HINFP: variants seen among roughly 807,000 people sequenced by gnomAD.
HINFP encodes the protein histone H4 transcription factor, also known as MBD2 (methyl-CpG-binding protein)-interacting zinc finger protein.
A neutral mutation model predicts 50.1 loss-of-function variants in HINFP; 20 were observed. The observed-to-expected ratio is 0.40, with a 90% CI of 0.28 to 0.58. The LOEUF is 0.58. Ranked by LOEUF, HINFP falls within the 20% of genes least tolerant of loss-of-function variation. The pLI is 0.45. For synonymous variants in HINFP, 247 were observed against 243.7 expected (o/e 1.01, Z -0.13); for missense variants, 505 against 664.1 (o/e 0.76, Z 2.63).
chr11:119,131,395 C>T lies in HINFP; in HGVS notation c.412-140C>T. The T allele has an allele frequency of 5.9e-6, 4 of 681,578 alleles. No homozygotes were observed. The highest frequency in any genetic ancestry group is 1.1e-5 in the Non-Finnish European group (4 of 374,424). The allele number at this position is 681,578 out of a possible 1,614,324, so 42.2% of individuals were successfully genotyped here. A position where few individuals can be genotyped will look rare whatever the true frequency, so the allele number is the denominator to read the frequency against. On this transcript the variant is annotated intron_variant, in intron 3 of 9. Transcript: ENST00000350777. This position sits in a 1 kb window ranked among gnomAD's most constrained non-coding sequence, Gnocchi z 4.2. ...TTAGCAACCGCACCCGGCCACTCCT[C>T]CATTTCTGTGCAGTGCCTTTCCTCA...
Position 119,134,449 on chromosome 11 carries a change from T to C in HINFP, c.1505T>C (p.Met502Thr), listed in dbSNP as rs1466870355. ...PAPEPPSGGI[M>T]EKLQGIAEEP... The stretch of plus-strand genomic sequence containing the variant: ...CCTGAGCCACCTTCAGGGGGCATCA[T>C]GGAAAAGCTTCAAGGAATAGCTGAG... The change falls in exon 10 of 10, where the codon ATG (methionine) becomes ACG (threonine). Residue 502 changes from methionine (M) to threonine (T), a missense_variant. Coordinates refer to ENST00000350777, the MANE Select transcript of HINFP (RefSeq NM_198971.3). The surrounding 1 kb of genome is among the most constrained non-coding windows in gnomAD (Gnocchi z 4.3). 2 of 1,612,978 alleles carry C rather than the reference T, an allele frequency of 1.2e-6. No homozygotes were observed. Among genetic ancestry groups the C allele is most frequent in the South Asian group, 2.2e-5 (2 of 91,048 alleles).
chr11:119,132,041 G>T, intron 5 of HINFP, 59 bp downstream of exon 5: 1 of 1,591,840 alleles, frequency 6.3e-7, no homozygotes, highest in Non-Finnish European at 8.6e-7. Flanking sequence ...TGGGTTAGGG[G>T]CATGTTTCTA....
rs1476775383 is a variant in HINFP at position 119,131,687 on chromosome 11, T to TA, written c.523+41_523+42insA. On this transcript the variant is annotated intron_variant, in intron 4 of 9. Coordinates refer to ENST00000350777, the MANE Select transcript of HINFP (RefSeq NM_198971.3). This position sits in a 1 kb window ranked among gnomAD's most constrained non-coding sequence, Gnocchi z 4.2. ...AACTTGTGGCTTCTGGAGGAAACGCTGGGGTTCCTGAAGAGCTGGGACAGA... is the reference window on the plus strand; with the variant it reads ...AACTTGTGGCTTCTGGAGGAAACGCTAGGGGTTCCTGAAGAGCTGGGACAGA... The TA allele has an allele frequency of 6.3e-7, 1 of 1,589,622 alleles. No homozygotes were observed. Among genetic ancestry groups the TA allele is most frequent in the African/African-American group, 1.3e-5 (1 of 74,388 alleles).
intron 1 of HINFP, chr11:119,126,533 GGTC>G (rs147482604): frequency 0.012 from 1,862 of 159,044 alleles, 38 homozygotes; most frequent in African/African-American, 0.043. Context: ...TCTTGACAAA[GGTC>G]ATACAGCTAG....
Position 119,130,712 on chromosome 11 carries a change from C to T in HINFP, c.182-13C>T. ...AAAGTGTCAGACTCTTCCTTTTAAA[C>T]CCCTTTCTACAGAGGAAGAATTCTC... On this transcript the variant is annotated splice_polypyrimidine_tract_variant and intron_variant, in intron 2 of 9. Transcript: ENST00000350777. The T allele has an allele frequency of 1.9e-6, 3 of 1,611,116 alleles. No homozygotes were observed. Among genetic ancestry groups the T allele is most frequent in the Non-Finnish European group, 2.5e-6 (3 of 1,177,272 alleles).
intron 2 of HINFP, chr11:119,127,380 T>C: frequency 3.1e-6 from 1 of 320,708 alleles, no homozygotes; most frequent in Non-Finnish European, 5.7e-6. Context: ...TTGACATCTC[T>C]CTGCCTGTGT....
chr11:119,133,868 G>A, intron 9 of HINFP: 1 of 617,850 alleles, frequency 1.6e-6, no homozygotes, highest in Non-Finnish European at 2.8e-6. Flanking sequence ...TTTTCTGGTT[G>A]GGTTTCTATA....
intron 2 of HINFP, among the ~76,000 whole-genome samples, chr11:119,128,136 G>A (rs574137350): frequency 6.6e-6 from 1 of 152,240 alleles, no homozygotes; most frequent in East Asian, 1.9e-4. Flanking sequence ...ACAGGCGTGA[G>A]CCACCGCACC....
At chr11:119,133,946 C>A in intron 9 of HINFP, 138 bp from the exon 10 acceptor site, 2 of 1,156,176 alleles carry the variant, frequency 1.7e-6, no homozygotes, top group African/African-American at 1.5e-5. Context: ...CAATAAAGAC[C>A]TTTTTTGTCT....
intron 2 of HINFP, among the ~76,000 whole-genome samples, chr11:119,127,882 A>G (rs1947505793): frequency 7.0e-6 from 1 of 142,478 alleles, no homozygotes. Context: ...TTTGAGACGG[A>G]GTCTTGCTCT....
At chr11:119,128,123 A>T (rs1947523054) in intron 2 of HINFP, among the ~76,000 whole-genome samples, 1 of 152,100 alleles carries the variant, frequency 6.6e-6, no homozygotes, top group African/African-American at 2.4e-5. Flanking sequence ...AAGTGCTGGG[A>T]TTACAGGCGT....
intron 2 of HINFP, among the ~76,000 whole-genome samples, chr11:119,129,655 G>A (rs1450610628): frequency 4.7e-5 from 7 of 150,518 alleles, no homozygotes; most frequent in African/African-American, 1.7e-4. Context: ...TAGTAGAGAC[G>A]GGGTTTGACT....
At position 119,135,590 on chromosome 11, in the gene HINFP, C is replaced by T. The variant is rs641382; in HGVS notation, c.*1092C>T. On this transcript the variant is annotated 3_prime_UTR_variant, in exon 10 of 10. Transcript: ENST00000350777. The stretch of plus-strand genomic sequence containing the variant: ...CCTCCCAAAATAAGAATCATCATTT[C>T]GTCTGGTTCAGCTGCTTCTCAGCAC... The T allele has an allele frequency of 2.0e-5, 3 of 152,088 alleles. No individual in the cohort carries two copies. The highest frequency in any genetic ancestry group is 2.9e-5 in the Non-Finnish European group (2 of 67,994). The allele number at this position is 152,088 out of a possible 1,614,324, so 9.4% of individuals were successfully genotyped here.
chr11:119,133,140 T>C lies in HINFP; in HGVS notation c.1060T>C (p.Phe354Leu). 1.2e-6 allele frequency: 2 copies of C among 1,614,226 alleles called. No homozygotes were observed. Among genetic ancestry groups the C allele is most frequent in the South Asian group, 1.1e-5 (1 of 91,088 alleles). ...CAAATGTCATGTGTGTGACAAATGCTTCACACGGGGCAACAACCTCACCGT... is the reference window on the plus strand; with the variant it reads ...CAAATGTCATGTGTGTGACAAATGCCTCACACGGGGCAACAACCTCACCGT... ...RYKCHVCDKC[F>L]TRGNNLTVHL... Residue 354 changes from phenylalanine (F) to leucine (L), a missense_variant, in exon 9 of 10, where the codon TTC becomes CTC. By Grantham distance (22) the Phe-to-Leu change is conservative. Coordinates refer to ENST00000350777, the MANE Select transcript of HINFP (RefSeq NM_198971.3).
At chr11:119,124,509 G>C (rs1352060032) in intron 1 of HINFP, 1 of 152,106 alleles carries the variant, frequency 6.6e-6, no homozygotes, top group Non-Finnish European at 1.5e-5. Flanking sequence ...GTCACCCTCT[G>C]TTCTGTGTTT....
rs369592186 is a variant in HINFP at position 119,126,981 on chromosome 11, C to G, written c.37C>G (p.Leu13Val). Reference sequence around the variant, plus strand: ...TGGGAAAGTTCCCCGAAAGGAGAATCTGTGGCTACAGTGTGAGTGGGGGTC... The same window carrying G: ...TGGGAAAGTTCCCCGAAAGGAGAATGTGTGGCTACAGTGTGAGTGGGGGTC... ...PPGKVPRKEN[L>V]WLQCEWGSCS... Residue 13 changes from leucine (L) to valine (V), a missense_variant, in exon 2 of 10, where the codon CTG (leucine) becomes GTG (valine). Physicochemically the swap from Leu to Val is conservative, Grantham distance 32 (BLOSUM62 1). Coordinates refer to ENST00000350777, the MANE Select transcript of HINFP (RefSeq NM_198971.3). The G allele has an allele frequency of 5.9e-5, 95 of 1,613,704 alleles. No homozygotes were observed. Among genetic ancestry groups the G allele is most frequent in the Non-Finnish European group, 8.0e-5 (94 of 1,179,914 alleles).
At chr11:119,133,706 T>C in intron 9 of HINFP, 1 of 298,212 alleles carries the variant, frequency 3.4e-6, no homozygotes, top group Non-Finnish European at 6.2e-6. Flanking sequence ...TTTTGAATCT[T>C]GTAAGGCATG....
Position 119,131,945 on chromosome 11 carries a change from G to T in HINFP, c.639G>T (p.Lys213Asn), listed in dbSNP as rs756131090. ...GGGGCATGTTTGCCAACAATACCAA[G>T]TTCTTAGATCACATCCGTCGCCAGA... ...TCGGMFANNT[K>N]FLDHIRRQTS... The change falls in exon 5 of 10, where the codon AAG (lysine) becomes AAT (asparagine). Residue 213 changes from lysine to asparagine, a missense_variant. Coordinates refer to ENST00000350777, the MANE Select transcript of HINFP (RefSeq NM_198971.3). The surrounding 1 kb of genome is among the most constrained non-coding windows in gnomAD (Gnocchi z 4.2). 6.2e-7 allele frequency: 1 copy of T among 1,614,110 alleles called. No homozygotes were observed. Among genetic ancestry groups the T allele is most frequent in the South Asian group, 1.1e-5 (1 of 91,078 alleles).
chr11:119,126,656 G>A (rs1180711359), intron 1 of HINFP: 1 of 266,234 alleles, frequency 3.8e-6, no homozygotes, highest in East Asian at 7.8e-5. Context: ...TTCTTGGTGG[G>A]TTGCTCTGAA....
Sources: gnomAD v4.1 joint callset for allele counts (sites outside exome capture counted in the v4.1 genomes callset) on GRCh38, gnomAD v4.1.1 for gene constraint, Gnocchi (gnomAD v3.1) non-coding constraint, MANE v1.5 for transcripts, NCBI Gene and HGNC (gene_info 2026-07-23, HGNC 2026-07-21) for gene names.